Variants in DOCK2 observed in about 807,000 individuals in gnomAD.
DOCK2 encodes the protein dedicator of cytokinesis 2.
Under a neutral mutation model 248.9 loss-of-function variants are expected in DOCK2, and 87 were observed. The ratio of observed to expected loss-of-function variants is 0.35; its 90% CI spans 0.29 to 0.42. The LOEUF is 0.42. Ranked by LOEUF, DOCK2 falls within the 10% of genes least tolerant of loss-of-function variation. The probability of loss-of-function intolerance (pLI) is 1.00; values close to 1 mark genes in which losing one functional copy is unlikely to be tolerated. For missense variants in DOCK2, 1,747 were observed against 2,300.2 expected, an observed-to-expected ratio of 0.76 and a Z score of 4.92; for synonymous variants, 805 against 821.6, an observed-to-expected ratio of 0.98 and a Z score of 0.35.
chr5:169,933,211 T>C (rs1166024862), intron 27 of DOCK2, among the ~76,000 whole-genome samples: 1 of 152,220 alleles, frequency 6.6e-6, no homozygotes, highest in Non-Finnish European at 1.5e-5. Flanking sequence ...TATGTCACCA[T>C]GGAAATCAGG....
chr5:169,796,540 T>C (rs1561704305), intron 25 of DOCK2, among the ~76,000 whole-genome samples: 1 of 152,200 alleles, frequency 6.6e-6, no homozygotes, highest in Non-Finnish European at 1.5e-5. Context: ...CAACTACAGC[T>C]TGGGCCTTAC....
intron 25 of DOCK2, among the ~76,000 whole-genome samples, chr5:169,771,178 G>T (rs749569516): frequency 1.8e-4 from 27 of 152,212 alleles, no homozygotes; most frequent in Non-Finnish European, 3.5e-4. Flanking sequence ...ACTGTCTTCA[G>T]TTGCATTTCC....
At chr5:169,965,357 G>C (rs1777259406) in intron 27 of DOCK2, among the ~76,000 whole-genome samples, 1 of 152,214 alleles carries the variant, frequency 6.6e-6, no homozygotes, top group Non-Finnish European at 1.5e-5. Flanking sequence ...GCCACACTCT[G>C]AGTAGCAAGA....
intron 9 of DOCK2, among the ~76,000 whole-genome samples, chr5:169,691,767 C>T (rs1479598567): frequency 6.6e-6 from 1 of 152,114 alleles, no homozygotes; most frequent in East Asian, 1.9e-4. Flanking sequence ...CTTTGAGCCT[C>T]TCTGAGCCTC....
intron 32 of DOCK2, among the ~76,000 whole-genome samples, chr5:170,014,684 A>G (rs1755446151): frequency 6.7e-6 from 1 of 149,706 alleles, no homozygotes; most frequent in South Asian, 2.2e-4. Context: ...GGAAGGAAGA[A>G]GAGCTCGTTG....
chr5:169,803,319 C>A, intron 26 of DOCK2, 113 bp downstream of exon 26: 1 of 1,405,114 alleles, frequency 7.1e-7, no homozygotes, highest in Non-Finnish European at 9.5e-7. Context: ...TAAAAGTCAA[C>A]GGCTTGCTCA....
rs529145848 is a variant in DOCK2 at position 170,075,796 on chromosome 5, C to T, written c.4729-151C>T. ...TTGCAACTTTCCCCATTTCCCATGG[C>T]TGGGGACCGTGTGTGCAGGTTTCTG... On this transcript the variant is annotated intron_variant, in intron 46 of 51. Coordinates refer to ENST00000520908, the MANE Select transcript of DOCK2 (RefSeq NM_004946.3). The T allele has an allele frequency of 3.8e-4, 373 of 988,240 alleles. 3 individuals are homozygous for T. In the African/African-American group the frequency reaches 5.4e-3, roughly 14 times the overall value. 61.2% of individuals were successfully genotyped at this position (988,240 alleles called of 1,614,324 possible). A position where few individuals can be genotyped will look rare whatever the true frequency, so the allele number is the denominator to read the frequency against.
intron 30 of DOCK2, among the ~76,000 whole-genome samples, chr5:169,999,011 T>C (rs915156915): frequency 5.9e-5 from 9 of 152,184 alleles, no homozygotes; most frequent in Non-Finnish European, 8.8e-5. Flanking sequence ...TCCATATAAC[T>C]GCGAGCTAGT....
intron 26 of DOCK2, among the ~76,000 whole-genome samples, chr5:169,830,206 A>T (rs1769130866): frequency 6.6e-6 from 1 of 152,252 alleles, no homozygotes; most frequent in African/African-American, 2.4e-5. Context: ...CATTTGTAAC[A>T]TGGGAAGAAC....
Position 169,763,638 on chromosome 5 carries a change from G to A in DOCK2, c.2554+2013G>A, listed in dbSNP as rs1764611023. 1.3e-5 allele frequency among the ~76,000 whole-genome samples: 2 copies of A among 152,368 alleles called. No individual in the cohort carries two copies. The highest frequency in any genetic ancestry group is 1.3e-4 in the Admixed American group (2 of 15,306). On this transcript the variant is annotated intron_variant, in intron 25 of 51. Transcript: ENST00000520908. This position sits in a 1 kb window ranked among gnomAD's most constrained non-coding sequence, Gnocchi z 4.1. ...TCATGGCAGGGCAGGCTGGACAGCT[G>A]CTGCTTCTCAGTCCTGCTGTGTGTC...
At chr5:170,028,896 C>T (rs1404625776) in intron 34 of DOCK2, among the ~76,000 whole-genome samples, 1 of 152,086 alleles carries the variant, frequency 6.6e-6, no homozygotes, top group Non-Finnish European at 1.5e-5. Context: ...GTACTTAATG[C>T]CTTTTAATTG....
chr5:169,907,485 A>G (rs1774349076), intron 27 of DOCK2, among the ~76,000 whole-genome samples: 1 of 152,186 alleles, frequency 6.6e-6, no homozygotes, highest in Non-Finnish European at 1.5e-5. Flanking sequence ...AACATTTTAG[A>G]AAGTCAAAGT....
At chr5:169,733,747 A>G (rs750149676) in intron 22 of DOCK2, among the ~76,000 whole-genome samples, 42 of 152,226 alleles carry the variant, frequency 2.8e-4, no homozygotes, top group Admixed American at 4.6e-4. Flanking sequence ...ATCTACTGTT[A>G]ATGTTAACTG....
intron 27 of DOCK2, among the ~76,000 whole-genome samples, chr5:169,876,515 G>T (rs1772343754): frequency 6.6e-6 from 1 of 152,204 alleles, no homozygotes; most frequent in Non-Finnish European, 1.5e-5. Flanking sequence ...CTACAGTCAG[G>T]ACAGAAGTCC....
intron 6 of DOCK2, among the ~76,000 whole-genome samples, chr5:169,676,285 C>A (rs1043973955): frequency 6.6e-6 from 1 of 152,134 alleles, no homozygotes. Context: ...CTGTCTAAAG[C>A]ACCTCTCTGC....
At chr5:169,753,819 C>A (rs1051691380) in intron 23 of DOCK2, among the ~76,000 whole-genome samples, 2 of 152,144 alleles carry the variant, frequency 1.3e-5, no homozygotes, top group African/African-American at 4.8e-5. Context: ...ATTTATTTTC[C>A]TCGGGGACAA....
chr5:169,767,605 G>C (rs1297204843), intron 25 of DOCK2, among the ~76,000 whole-genome samples: 1 of 152,176 alleles, frequency 6.6e-6, no homozygotes, highest in African/African-American at 2.4e-5. Context: ...CTGAGCTGTA[G>C]CTTCTTTAGC....
At position 170,079,083 on chromosome 5, in the gene DOCK2, G is replaced by A. The variant is rs1757936926; in HGVS notation, c.5103G>A (p.Arg1701=). ...PEVKLRRSKK[R]TKRSSVVFAD... ...TCAAGCTGCGGAGGTCCAAGAAGAG[G>A]ACAAAGAGAAGCAGCGTAGTTTTTG... Residue 1701 remains arginine (R), a synonymous_variant, in exon 49 of 52, where the codon AGG becomes AGA. Transcript: ENST00000520908. 1.2e-6 allele frequency: 2 copies of A among 1,614,152 alleles called. No individual in the cohort carries two copies. The highest frequency in any genetic ancestry group is 1.7e-6 in the Non-Finnish European group (2 of 1,180,036).
Position 169,851,032 on chromosome 5 carries a change from CTG to C in DOCK2, c.2799+10183_2799+10184del, listed in dbSNP as rs753084996. Among the ~76,000 whole-genome samples the C allele has an allele frequency of 5.9e-5, 9 of 152,200 alleles. No homozygotes were observed. The South Asian group carries it at 8.3e-4, about 14-fold the overall frequency. On this transcript the variant is annotated intron_variant, in intron 27 of 51. Transcript: ENST00000520908. ...GTATTGGAATTTTCTCTTTACCTAT[CTG>C]TGCTCCACAGTAAAGTGAGACCCAT... is the stretch of plus-strand genomic sequence containing the variant.
Sources: gnomAD v4.1 joint callset for allele counts (sites outside exome capture counted in the v4.1 genomes callset) on GRCh38, gnomAD v4.1.1 for gene constraint, Gnocchi (gnomAD v3.1) non-coding constraint, MANE v1.5 for transcripts, NCBI Gene and HGNC (gene_info 2026-07-23, HGNC 2026-07-21) for gene names.